CD96: variants seen among roughly 807,000 people sequenced by gnomAD.
The protein encoded by CD96 is T-cell surface protein tactile.
CD96 carries 70 observed loss-of-function variants against 71.3 expected under a neutral mutation model. The ratio of observed to expected loss-of-function variants is 0.98; its 90% confidence interval spans 0.81 to 1.20. The LOEUF is 1.20. Among genes scored for constraint, CD96 ranks in the 50% most tolerant of loss-of-function variants. The pLI, the probability that CD96 is intolerant of heterozygous loss-of-function variation, is 0.00. For missense variants in CD96, 742 were observed against 677.5 expected, an observed-to-expected ratio of 1.10 and a Z score of -1.06; for synonymous variants, 248 against 233.0, an observed-to-expected ratio of 1.06 and a Z score of -0.59.
Position 111,630,235 on chromosome 3 carries a change from A to G in CD96, c.1321+5831A>G, listed in dbSNP as rs117994389. On this transcript the variant is annotated intron_variant, in intron 10 of 13. Transcript: ENST00000352690. ...AGCCAATCTAGGAGCTGGTTTTTTA[A>G]AAAAGATTAATATGATAAATATACC... Among the ~76,000 whole-genome samples the G allele has an allele frequency of 8.1e-4, 124 of 152,286 alleles. 5 individuals are homozygous for G. The East Asian group carries it at 0.024, about 29-fold the overall frequency.
chr3:111,637,920 C>A (rs920938952), intron 11 of CD96, among the ~76,000 whole-genome samples, 159 bp from the exon 12 acceptor site: 2 of 151,872 alleles, frequency 1.3e-5, no homozygotes, highest in African/African-American at 4.8e-5. Context: ...CCCAGCCTTG[C>A]TATAAATTGG....
At chr3:111,560,333 G>T (rs1935321081) in intron 2 of CD96, among the ~76,000 whole-genome samples, 1 of 152,114 alleles carries the variant, frequency 6.6e-6, no homozygotes, top group Non-Finnish European at 1.5e-5. Flanking sequence ...GCATGATTTT[G>T]CAGCAGCTGG....
At chr3:111,543,988 A>G (rs956795801) in intron 1 of CD96, among the ~76,000 whole-genome samples, 29 of 152,184 alleles carry the variant, frequency 1.9e-4, no homozygotes, top group African/African-American at 5.5e-4. Context: ...GTGGGCCTGG[A>G]TGCCTGAATT....
At position 111,624,414 on chromosome 3, in the gene CD96, A is replaced by C. The variant is rs780122768; in HGVS notation, c.1321+10A>C. 11 of 1,557,510 alleles carry C rather than the reference A, an allele frequency of 7.1e-6. No homozygotes were observed. Among genetic ancestry groups the C allele is most frequent in the East Asian group, 6.7e-5 (3 of 44,624 alleles). ...ACAGATACCAAAAAATGTTAAGTAT[A>C]ATCGTGGGTCCCTTGAGTCCTCTGG... On this transcript the variant is annotated intron_variant, in intron 10 of 13. Coordinates refer to ENST00000352690, the MANE Select transcript of CD96 (RefSeq NM_005816.5).
At chr3:111,607,421 G>A (rs1167544449) in intron 8 of CD96, among the ~76,000 whole-genome samples, 1 of 152,158 alleles carries the variant, frequency 6.6e-6, no homozygotes, top group Non-Finnish European at 1.5e-5. Context: ...GTCTGGGTCA[G>A]CAATGCTATG....
chr3:111,662,983 C>T (rs1320333630), intron 14 of CD96, among the ~76,000 whole-genome samples: 2 of 152,156 alleles, frequency 1.3e-5, no homozygotes, highest in African/African-American at 2.4e-5. Flanking sequence ...TAGAGACATA[C>T]CTGAGACTGA....
intron 2 of CD96, among the ~76,000 whole-genome samples, chr3:111,552,088 A>G (rs1934740730): frequency 6.6e-6 from 1 of 152,030 alleles, no homozygotes; most frequent in Non-Finnish European, 1.5e-5. Context: ...GGCTGCATAT[A>G]TGTCTTCTTT....
chr3:111,587,313 A>G (rs1936759768), intron 5 of CD96, among the ~76,000 whole-genome samples: 1 of 152,204 alleles, frequency 6.6e-6, no homozygotes, highest in Admixed American at 6.5e-5. Context: ...CCAGGCACAC[A>G]GTGCAAGCTG....
chr3:111,616,292 G>T (rs1938232867), intron 8 of CD96, among the ~76,000 whole-genome samples: 1 of 152,136 alleles, frequency 6.6e-6, no homozygotes, highest in African/African-American at 2.4e-5. Flanking sequence ...TTTTTAAATG[G>T]AGAATTTTTT....
chr3:111,569,379 C>G (rs1443928454), intron 3 of CD96, among the ~76,000 whole-genome samples: 2 of 152,142 alleles, frequency 1.3e-5, no homozygotes, highest in African/African-American at 4.8e-5. Context: ...GATTTGCTTT[C>G]CAAAAAGTAA....
chr3:111,627,745 C>T lies in CD96; in HGVS notation c.1321+3341C>T, dbSNP rs542219865. 1.3e-4 allele frequency among the ~76,000 whole-genome samples: 20 copies of T among 152,288 alleles called. 1 individual carries two copies. The highest frequency in any genetic ancestry group is 3.4e-4 in the African/African-American group (14 of 41,562). ...AATCTCCAACCACCTCCTACAGGCA[C>T]GGTCAGGCCAGCAACAGGTCAGTAC... On this transcript the variant is annotated intron_variant, in intron 10 of 13. Transcript: ENST00000352690.
At chr3:111,588,797 C>A (rs1234117453) in intron 5 of CD96, among the ~76,000 whole-genome samples, 1 of 152,104 alleles carries the variant, frequency 6.6e-6, no homozygotes, top group Non-Finnish European at 1.5e-5. Flanking sequence ...CATATCACTG[C>A]TATTATAATC....
chr3:111,655,455 A>C (rs1429384035), downstream of CD96, among the ~76,000 whole-genome samples: 2 of 152,206 alleles, frequency 1.3e-5, no homozygotes, highest in African/African-American at 4.8e-5. Flanking sequence ...AGTTATGCGC[A>C]AAGAAGAGAA....
chr3:111,652,378 G>A (rs1448465743), downstream of CD96: 4 of 152,028 alleles, frequency 2.6e-5, no homozygotes, highest in African/African-American at 9.7e-5. Flanking sequence ...ACAAAGCATT[G>A]TGGTTTTATT....
intron 14 of CD96, among the ~76,000 whole-genome samples, chr3:111,662,268 CT>C (rs751752490): frequency 2.6e-5 from 4 of 152,224 alleles, no homozygotes; most frequent in Non-Finnish European, 5.9e-5. Context: ...CCATTTTTCC[CT>C]CTTAGTCCTC....
chr3:111,617,236 C>G (rs955982079), intron 8 of CD96, among the ~76,000 whole-genome samples: 1 of 152,214 alleles, frequency 6.6e-6, no homozygotes. Context: ...TGACTAGGTT[C>G]CTGGATGGAA....
rs143014660 is a variant in CD96, at chr3:111,606,710, T to C, written c.1098T>C (p.Ile366=). 374 of 1,567,172 alleles carry C rather than the reference T, an allele frequency of 2.4e-4. 1 individual carries two copies. Among genetic ancestry groups the C allele is most frequent in the Non-Finnish European group, 3.0e-4 (342 of 1,137,296 alleles). ...TTCTAATCCTTTAAGGTTCTGAAATTTCCTCAACAGACCCTCCACTGAGTG... is the reference window on the plus strand; with the variant it reads ...TTCTAATCCTTTAAGGTTCTGAAATCTCCTCAACAGACCCTCCACTGAGTG... The part of the protein sequence containing the change: ...EKITFLLGSE[I]SSTDPPLSVT... Residue 366 remains isoleucine, a synonymous_variant, in exon 8 of 14, where the codon ATT becomes ATC. Transcript: ENST00000352690.
downstream of CD96, among the ~76,000 whole-genome samples, chr3:111,654,456 G>C (rs1481971287): frequency 6.6e-6 from 1 of 152,208 alleles, no homozygotes; most frequent in African/African-American, 2.4e-5. Flanking sequence ...GATGGGTCTT[G>C]ATATTTTGTG....
intron 2 of CD96, among the ~76,000 whole-genome samples, chr3:111,556,664 T>C (rs1418209542): frequency 7.2e-6 from 1 of 138,624 alleles, no homozygotes; most frequent in Admixed American, 7.2e-5. Context: ...GCAATAAACA[T>C]ACGTGTGCAT....
Sources: gnomAD v4.1 joint callset for allele counts (sites outside exome capture counted in the v4.1 genomes callset) on GRCh38, gnomAD v4.1.1 for gene constraint, MANE v1.5 for transcripts, NCBI Gene and HGNC (gene_info 2026-07-23, HGNC 2026-07-21) for gene names.